RNF145: variants seen among roughly 807,000 people sequenced by gnomAD.
The protein encoded by RNF145 is ring finger protein 145.
A neutral mutation model predicts 57.3 loss-of-function variants in RNF145; 12 were observed. That is an observed-to-expected ratio of 0.21 (90% CI 0.13 to 0.34). The LOEUF (loss-of-function observed/expected upper bound fraction) is 0.34, where lower values mean the gene tolerates loss of function less well. Ranked by LOEUF, RNF145 falls within the 10% of genes least tolerant of loss-of-function variation. The pLI is 1.00. For missense variants in RNF145, 429 were observed against 799.0 expected (o/e 0.54, Z 5.58); for synonymous variants, 262 against 288.3 (o/e 0.91, Z 0.92).
At chr5:159,176,303 T>C (rs548477439) in intron 5 of RNF145, among the ~76,000 whole-genome samples, 3 of 152,232 alleles carry the variant, frequency 2.0e-5, no homozygotes, top group Admixed American at 2.0e-4. Context: ...CTCACAGAAC[T>C]CTATGAGGAA....
intron 2 of RNF145, among the ~76,000 whole-genome samples, chr5:159,200,014 T>TA (rs1383107748): frequency 1.3e-4 from 19 of 151,828 alleles, no homozygotes; most frequent in East Asian, 1.9e-4. Context: ...ACGATAGCAA[T>TA]AAAAAAGATA....
intron 8 of RNF145, among the ~76,000 whole-genome samples, chr5:159,168,360 A>C (rs894306907): frequency 3.9e-5 from 6 of 152,318 alleles, no homozygotes; most frequent in African/African-American, 1.4e-4. Flanking sequence ...CTTATAATCC[A>C]GTCAGTTGAA....
intron 2 of RNF145, among the ~76,000 whole-genome samples, chr5:159,197,564 G>A (rs1414930035): frequency 1.3e-5 from 2 of 152,130 alleles, no homozygotes; most frequent in Non-Finnish European, 2.9e-5. Flanking sequence ...GAGAGACAAT[G>A]AATACTAACT....
At position 159,209,216 on chromosome 5, in the gene RNF145, G is replaced by A. The variant is rs1248287343; in HGVS notation, c.-40+15C>T. 10 of 981,384 alleles carry A rather than the reference G, an allele frequency of 1.0e-5. No individual in the cohort carries two copies. Among genetic ancestry groups the A allele is most frequent in the Non-Finnish European group, 1.1e-5 (9 of 826,436 alleles). 60.8% of individuals were successfully genotyped at this position (981,384 alleles called of 1,614,324 possible). ...GCGCGGGGATGGGAAGGGGCCGGGC[G>A]GGCGGCGTGGTCACCTCAGGCTGCG... On this transcript the variant is annotated intron_variant, in intron 1 of 10. Transcript: ENST00000424310.
intron 1 of RNF145, among the ~76,000 whole-genome samples, chr5:159,204,383 T>C (rs1031942500): frequency 7.1e-6 from 1 of 141,164 alleles, no homozygotes; most frequent in Non-Finnish European, 1.6e-5. Context: ...CCATGATAAG[T>C]AGTGGGGGGG....
intron 8 of RNF145, among the ~76,000 whole-genome samples, chr5:159,164,762 G>A (rs1784339439): frequency 6.6e-6 from 1 of 152,102 alleles, no homozygotes; most frequent in Admixed American, 6.5e-5. Context: ...TGAATAAGTA[G>A]ACCATAGTTC....
At chr5:159,189,003 A>T (rs575936956) in intron 3 of RNF145, among the ~76,000 whole-genome samples, 2 of 152,194 alleles carry the variant, frequency 1.3e-5, no homozygotes, top group African/African-American at 4.8e-5. Context: ...TAAAATTATT[A>T]TAAGTGCTGA....
intron 1 of RNF145, among the ~76,000 whole-genome samples, chr5:159,208,427 G>A (rs896565515): frequency 6.6e-6 from 1 of 152,150 alleles, no homozygotes; most frequent in Non-Finnish European, 1.5e-5. Flanking sequence ...GGGGGTTCAC[G>A]GGTCTGAGGG....
At chr5:159,159,100 C>G (rs1784133176) in intron 10 of RNF145, 65 bp from the exon 11 acceptor site, 8 of 1,464,156 alleles carry the variant, frequency 5.5e-6, no homozygotes, top group Middle Eastern at 1.8e-4. Flanking sequence ...GTGCTATCCC[C>G]AAAGTTCTGG....
Position 159,161,408 on chromosome 5 carries a change from T to A in RNF145, c.1484A>T (p.Tyr495Phe). The change falls in exon 10 of 11, where the codon TAC becomes TTC. Residue 495 changes from tyrosine to phenylalanine, a missense_variant. Transcript: ENST00000424310. ...MGSMIIFIHS[Y>F]YNVWLRAQLG... ...CTGGGCCCGAAGCCACACGTTATAG[T>A]AGGAATGAATGAAGATGATCATTGA... 1 of 1,614,140 alleles carries A rather than the reference T, an allele frequency of 6.2e-7. No homozygotes were observed. The highest frequency in any genetic ancestry group is 8.5e-7 in the Non-Finnish European group (1 of 1,180,014).
chr5:159,159,133 T>C (rs979737578), intron 10 of RNF145, 98 bp from the exon 11 acceptor site: 24 of 1,133,592 alleles, frequency 2.1e-5, no homozygotes, highest in Non-Finnish European at 2.8e-5. Flanking sequence ...TTTCCCACAA[T>C]AGAAAATTTG....
rs751477367 is a variant in RNF145, at chr5:159,163,034, T to C, written c.1167A>G (p.Leu389=). The C allele has an allele frequency of 6.2e-7, 1 of 1,609,850 alleles. No individual in the cohort carries two copies. Among genetic ancestry groups the C allele is most frequent in the Non-Finnish European group, 8.5e-7 (1 of 1,179,020 alleles). ...AAGCCATATAAGCAGGGAATACCAA[T>C]AAAAATAAACAAAGGCTTACAGCAC... ...HFRAVSLCLF[L]LVFPAYMAYM... The change falls in exon 9 of 11, where the codon TTA becomes TTG. Residue 389 remains leucine (L), a synonymous_variant. Transcript: ENST00000424310.
At chr5:159,168,478 T>C (rs1421071327) in intron 8 of RNF145, among the ~76,000 whole-genome samples, 3 of 152,180 alleles carry the variant, frequency 2.0e-5, no homozygotes, top group Non-Finnish European at 4.4e-5. Flanking sequence ...ACTTAATGCT[T>C]TCTCTCCTTT....
chr5:159,174,442 A>C (rs914165256), intron 5 of RNF145, among the ~76,000 whole-genome samples: 1 of 152,204 alleles, frequency 6.6e-6, no homozygotes, highest in Non-Finnish European at 1.5e-5. Context: ...TATTCAGTAC[A>C]AAATAACCTT....
intron 9 of RNF145, among the ~76,000 whole-genome samples, chr5:159,161,830 G>C (rs965043497): frequency 6.6e-6 from 1 of 152,164 alleles, no homozygotes; most frequent in African/African-American, 2.4e-5. Context: ...GGTGATCTTA[G>C]TAATCCAGGC....
chr5:159,174,087 G>A lies in RNF145; in HGVS notation c.693C>T (p.Phe231=), dbSNP rs2060212. 0.026 allele frequency: 41,579 copies of A among 1,613,534 alleles called. 683 individuals are homozygous for A. The highest frequency in any genetic ancestry group is 0.037 in the Middle Eastern group (221 of 6,048). ...LWNQLVVPVL[F]MVFWLVLFAL... is the part of the protein sequence containing the mutation. ...CAAATAAGACGAGCCAGAAAACCAT[G>A]AAAAGAACAGGGACTACCAGTTGAT... The change falls in exon 6 of 11, where the codon TTC becomes TTT. Residue 231 remains phenylalanine (F), a synonymous_variant. Transcript: ENST00000424310.
chr5:159,166,675 C>T (rs978419230), intron 8 of RNF145, among the ~76,000 whole-genome samples: 2 of 152,222 alleles, frequency 1.3e-5, no homozygotes, highest in African/African-American at 4.8e-5. Flanking sequence ...CTCTATTCCA[C>T]TGGTCTACCT....
At chr5:159,202,829 CTT>C (rs796307118) in intron 2 of RNF145, among the ~76,000 whole-genome samples, 12 of 151,562 alleles carry the variant, frequency 7.9e-5, no homozygotes, top group Non-Finnish European at 1.8e-4. Flanking sequence ...TATTTCTTGA[CTT>C]TAATTTCTTC....
intron 3 of RNF145, among the ~76,000 whole-genome samples, chr5:159,183,342 T>C (rs780013208): frequency 7.2e-5 from 11 of 152,146 alleles, no homozygotes; most frequent in East Asian, 1.9e-4. Flanking sequence ...GTTGTCACAA[T>C]TGGGGAGAGG....
Sources: allele counts gnomAD v4.1 joint callset (sites outside exome capture counted in the v4.1 genomes callset), GRCh38; gene constraint gnomAD v4.1.1; transcripts MANE v1.5; gene names NCBI Gene and HGNC (gene_info 2026-07-23, HGNC 2026-07-21).